Variants in SMG6 observed in about 807,000 individuals in gnomAD.
The protein encoded by SMG6 is telomerase-binding protein EST1A.
A neutral mutation model predicts 142.2 loss-of-function variants in SMG6; 66 were observed. The ratio of observed to expected loss-of-function variants is 0.46; its 90% CI spans 0.38 to 0.57. The LOEUF (loss-of-function observed/expected upper bound fraction) is 0.57, where lower values mean the gene tolerates loss of function less well. Ranked by LOEUF, SMG6 falls within the 20% of genes least tolerant of loss-of-function variation. The pLI, the probability that SMG6 is intolerant of heterozygous loss-of-function variation, is 0.00. For missense variants in SMG6, 1,793 were observed against 1,832.0 expected (o/e 0.98, Z 0.39); for synonymous variants, 779 against 702.4 (o/e 1.11, Z -1.72).
intron 6 of SMG6, among the ~76,000 whole-genome samples, chr17:2,284,574 C>T (rs1229993191): frequency 2.6e-5 from 4 of 152,140 alleles, no homozygotes; most frequent in Non-Finnish European, 4.4e-5. Context: ...TCAATGTTTT[C>T]CATAACTGTT....
At chr17:2,238,838 C>T (rs2073734338) in intron 9 of SMG6, among the ~76,000 whole-genome samples, 1 of 152,134 alleles carries the variant, frequency 6.6e-6, no homozygotes, top group Non-Finnish European at 1.5e-5. Context: ...AAAAAATTCT[C>T]CCTTTGCCTT....
chr17:2,192,091 C>T (rs1048009809), intron 10 of SMG6, among the ~76,000 whole-genome samples: 3 of 152,244 alleles, frequency 2.0e-5, no homozygotes, highest in Non-Finnish European at 4.4e-5. Flanking sequence ...CTGACAGCTC[C>T]AGGATGGCAA....
intron 13 of SMG6, chr17:2,089,755 T>C (rs926690692): frequency 6.6e-6 from 1 of 151,916 alleles, no homozygotes; most frequent in Non-Finnish European, 1.5e-5. Context: ...TAGAGAGAGA[T>C]AATGTAAGCA....
rs543131616 is a variant in SMG6 at position 2,266,237 on chromosome 17, G to A, written c.2661+16410C>T. ...TGGTAACTAAAGGTCACGTGGGGTGGAAAGTGGCCTGTGGGTAACACAGAA... is the reference window on the plus strand; with the variant it reads ...TGGTAACTAAAGGTCACGTGGGGTGAAAAGTGGCCTGTGGGTAACACAGAA... On this transcript the variant is annotated intron_variant, in intron 8 of 18. Coordinates refer to ENST00000263073, the MANE Select transcript of SMG6 (RefSeq NM_017575.5). The A allele has an allele frequency of 1.9e-5, 18 of 948,936 alleles. No individual in the cohort carries two copies. In the South Asian group the frequency reaches 5.8e-4, roughly 31 times the overall value. The allele number at this position is 948,936 out of a possible 1,614,324, so 58.8% of individuals were successfully genotyped here.
At chr17:2,121,144 A>G (rs2069675415) in intron 13 of SMG6, among the ~76,000 whole-genome samples, 1 of 152,200 alleles carries the variant, frequency 6.6e-6, no homozygotes, top group Non-Finnish European at 1.5e-5. Context: ...TGACTCAGCA[A>G]TTCTAATCCT....
chr17:2,091,673 C>CTT (rs11331439), intron 13 of SMG6, among the ~76,000 whole-genome samples: 1 of 140,362 alleles, frequency 7.1e-6, no homozygotes, highest in Non-Finnish European at 1.5e-5. Flanking sequence ...AGTCTTTTTG[C>CTT]TTTTTTTTTT....
intron 12 of SMG6, among the ~76,000 whole-genome samples, chr17:2,178,963 T>C (rs2071726961): frequency 6.6e-6 from 1 of 152,332 alleles, no homozygotes; most frequent in South Asian, 2.1e-4. Context: ...GTACTCTCCC[T>C]GGGGTCAGCT....
intron 13 of SMG6, among the ~76,000 whole-genome samples, chr17:2,106,516 C>T (rs1376000270): frequency 6.6e-6 from 1 of 152,042 alleles, no homozygotes; most frequent in African/African-American, 2.4e-5. Flanking sequence ...GAGGAAAGGG[C>T]AAGAAGGAAG....
chr17:2,268,673 A>T (rs921348345), intron 8 of SMG6, among the ~76,000 whole-genome samples: 1 of 152,238 alleles, frequency 6.6e-6, no homozygotes, highest in South Asian at 2.1e-4. Flanking sequence ...GCACTTCGGG[A>T]GGCCGAGGTG....
At chr17:2,118,660 G>A (rs2069584950) in intron 13 of SMG6, among the ~76,000 whole-genome samples, 1 of 148,386 alleles carries the variant, frequency 6.7e-6, no homozygotes, top group Non-Finnish European at 1.5e-5. Flanking sequence ...TGCCCAGGCT[G>A]AAGTGCAGTG....
At position 2,177,337 on chromosome 17, in the gene SMG6, G is replaced by C. The variant is rs918716311; in HGVS notation, c.3156-4478C>G. The stretch of plus-strand genomic sequence containing the variant: ...GAAAGGCAGTCTGCCAGCTTCATAG[G>C]GAAGGAGTCAGGCAGGACTTTTTCT... On this transcript the variant is annotated intron_variant, in intron 12 of 18. Transcript: ENST00000263073. Among the ~76,000 whole-genome samples, 11 of 152,278 alleles carry C rather than the reference G, an allele frequency of 7.2e-5. No individual in the cohort carries two copies. The East Asian group carries it at 1.9e-3, about 27-fold the overall frequency.
At chr17:2,218,440 C>T (rs1482303398) in intron 10 of SMG6, among the ~76,000 whole-genome samples, 2 of 151,896 alleles carry the variant, frequency 1.3e-5, no homozygotes, top group South Asian at 2.1e-4. Context: ...CCCAGCTACT[C>T]GAAGGCTGAG....
chr17:2,154,095 G>A (rs1218759447), intron 13 of SMG6, among the ~76,000 whole-genome samples: 1 of 118,822 alleles, frequency 8.4e-6, no homozygotes, highest in Non-Finnish European at 1.7e-5. Flanking sequence ...GGGGATGCAT[G>A]TAGAGTGTGA....
chr17:2,090,296 G>C (rs557814587), intron 13 of SMG6, among the ~76,000 whole-genome samples: 2 of 152,168 alleles, frequency 1.3e-5, no homozygotes, highest in East Asian at 3.9e-4. Flanking sequence ...ATGCCCGGCG[G>C]GGGAGGGGGG....
chr17:2,209,087 C>T (rs1305352885), intron 10 of SMG6, among the ~76,000 whole-genome samples: 1 of 151,900 alleles, frequency 6.6e-6, no homozygotes, highest in African/African-American at 2.4e-5. Context: ...TGGGTTAAGC[C>T]CAGGAGGAGG....
chr17:2,068,684 G>A lies in SMG6; in HGVS notation c.3835+94C>T. 7.5e-7 allele frequency: 1 copy of A among 1,342,044 alleles called. No individual in the cohort carries two copies. Among genetic ancestry groups the A allele is most frequent in the Non-Finnish European group, 1.0e-6 (1 of 974,290 alleles). 83.1% of individuals were successfully genotyped at this position (1,342,044 alleles called of 1,614,324 possible). A position where few individuals can be genotyped will look rare whatever the true frequency, so the allele number is the denominator to read the frequency against. On this transcript the variant is annotated intron_variant, in intron 16 of 18. Coordinates refer to ENST00000263073, the MANE Select transcript of SMG6 (RefSeq NM_017575.5). This position sits in a 1 kb window ranked among gnomAD's most constrained non-coding sequence, Gnocchi z 6.7. ...AATCCCATCTTACACACGCACAGCAGGGCTCTGCCTGCCTGGCCCCCAGGC... is the reference window on the plus strand; with the variant it reads ...AATCCCATCTTACACACGCACAGCAAGGCTCTGCCTGCCTGGCCCCCAGGC...
chr17:2,217,224 T>C lies in SMG6; in HGVS notation c.2869+19268A>G, dbSNP rs2073044714. ...TTTTTATCATTATAATTTTTAAAAA[T>C]ACATTTACACAATACATTATTACTA... On this transcript the variant is annotated intron_variant, in intron 10 of 18. Transcript: ENST00000263073. Among the ~76,000 whole-genome samples the C allele has an allele frequency of 2.0e-5, 3 of 152,152 alleles. No homozygotes were observed. The South Asian group carries it at 6.2e-4, about 31-fold the overall frequency.
intron 18 of SMG6, chr17:2,062,224 T>C (rs1439161781): frequency 1.3e-5 from 2 of 152,544 alleles, no homozygotes; most frequent in Non-Finnish European, 2.9e-5. Context: ...CCCTGCTAAG[T>C]AACAGTAATC....
intron 13 of SMG6, among the ~76,000 whole-genome samples, chr17:2,098,837 G>C (rs1219689469): frequency 6.6e-6 from 1 of 151,828 alleles, no homozygotes; most frequent in African/African-American, 2.4e-5. Context: ...CCCCATGTTG[G>C]TCAGGCTGGT....
Sources: allele counts gnomAD v4.1 joint callset (sites outside exome capture counted in the v4.1 genomes callset), GRCh38; gene constraint gnomAD v4.1.1; non-coding constraint Gnocchi (gnomAD v3.1); transcripts MANE v1.5; gene names NCBI Gene and HGNC (gene_info 2026-07-23, HGNC 2026-07-21).